The following NOX5 variants were observed in gnomAD, a reference collection of about 807,000 sequenced individuals.
NOX5 encodes NADPH oxidase 5.
A neutral mutation model predicts 85.7 loss-of-function variants in NOX5; 76 were observed. The ratio of observed to expected loss-of-function variants is 0.89; its 90% CI spans 0.74 to 1.07. The LOEUF (loss-of-function observed/expected upper bound fraction) is 1.07. Ranked by LOEUF, NOX5 falls within the 50% of genes least tolerant of loss-of-function variation. The pLI is 0.00. For synonymous variants in NOX5, 405 were observed against 401.4 expected (o/e 1.01, Z -0.11); for missense variants, 973 against 999.5 (o/e 0.97, Z 0.36).
intron 5 of NOX5, among the ~76,000 whole-genome samples, chr15:69,033,701 C>CT (rs570603838): frequency 0.11 from 12,974 of 119,178 alleles, 1,279 homozygotes; most frequent in East Asian, 0.41. Context: ...TCTTTTTTTT[C>CT]TTTTTTTTTT....
rs2050461118 is a variant in NOX5 at position 69,033,086 on chromosome 15, C to T, written c.664C>T (p.Arg222Cys). ...GGCCCCCGCCCCCCGCCCACGCCCG[C>T]GCCGGCCGCGCCAGCTGACCCGCGC... ...LTAPAPRPRP[R>C]RPRQLTRAYW... Residue 222 changes from arginine (R) to cysteine (C), a missense_variant, in exon 5 of 16, where the codon CGC (arginine) becomes TGC (cysteine). By Grantham distance (180) the Arg-to-Cys change is radical. Coordinates refer to ENST00000388866, the MANE Select transcript of NOX5 (RefSeq NM_024505.4). 6.4e-7 allele frequency: 1 copy of T among 1,554,516 alleles called. No homozygotes were observed. The highest frequency in any genetic ancestry group is 1.2e-5 in the South Asian group (1 of 86,654).
chr15:69,040,727 C>G (rs1328762944), intron 9 of NOX5, among the ~76,000 whole-genome samples: 1 of 152,046 alleles, frequency 6.6e-6, no homozygotes, highest in Non-Finnish European at 1.5e-5. Context: ...CATTCTGTCA[C>G]CCAAGCTGGA....
In NOX5 at chr15:69,056,889, A is replaced by G. The variant is rs992344837; in HGVS notation, c.*193A>G. On this transcript the variant is annotated 3_prime_UTR_variant, in exon 16 of 16. Coordinates refer to ENST00000388866, the MANE Select transcript of NOX5 (RefSeq NM_024505.4). ...TGAACTTCCTCTAGAACCCAGGGGA[A>G]GGGACAGTGCCTTGTTCAGTCTGCT... 4 of 584,954 alleles carry G rather than the reference A, an allele frequency of 6.8e-6. No individual in the cohort carries two copies. Among genetic ancestry groups the G allele is most frequent in the Non-Finnish European group, 1.1e-5 (4 of 347,942 alleles). 36.2% of individuals were successfully genotyped at this position (584,954 alleles called of 1,614,324 possible). A position where few individuals can be genotyped will look rare whatever the true frequency, so the allele number is the denominator to read the frequency against.
chr15:69,034,351 G>T (rs1222044540), intron 5 of NOX5, among the ~76,000 whole-genome samples: 1 of 152,120 alleles, frequency 6.6e-6, no homozygotes, highest in Non-Finnish European at 1.5e-5. Flanking sequence ...TGCAAAATGG[G>T]GTACCCATCC....
intron 14 of NOX5, among the ~76,000 whole-genome samples, chr15:69,052,030 A>T (rs1483262061): frequency 6.6e-6 from 1 of 152,106 alleles, no homozygotes; most frequent in African/African-American, 2.4e-5. Flanking sequence ...TGGGCAACAC[A>T]GGCACATGCT....
chr15:69,040,654 T>C (rs899983418), intron 9 of NOX5, among the ~76,000 whole-genome samples: 2 of 152,174 alleles, frequency 1.3e-5, no homozygotes, highest in Non-Finnish European at 2.9e-5. Context: ...TTTCACCAAT[T>C]CTTTTTCTCC....
chr15:69,018,783 C>T (rs1266383764), intron 1 of NOX5, among the ~76,000 whole-genome samples: 7 of 152,128 alleles, frequency 4.6e-5, no homozygotes, highest in South Asian at 2.1e-4. Context: ...AGCCACATCC[C>T]GGGCCAGAGC....
chr15:69,022,516 G>A, intron 1 of NOX5: 1 of 170,058 alleles, frequency 5.9e-6, no homozygotes, highest in Non-Finnish European at 1.3e-5. Context: ...AGACCCACAT[G>A]TATTATCTGG....
intron 15 of NOX5, 72 bp downstream of exon 15, chr15:69,055,572 C>A: frequency 6.5e-7 from 1 of 1,542,366 alleles, no homozygotes; most frequent in Non-Finnish European, 8.8e-7. Context: ...GGTGGGGAGA[C>A]GAGGCCCAAG....
chr15:69,047,587 C>T (rs369248716), intron 12 of NOX5, 50 bp downstream of exon 12: 51 of 1,582,424 alleles, frequency 3.2e-5, no homozygotes, highest in Middle Eastern at 1.7e-4. Flanking sequence ...AGCCCCAAGG[C>T]GCCCTCCCTG....
chr15:69,048,985 C>T lies in NOX5; in HGVS notation c.1926C>T (p.Asp642=). Residue 642 remains aspartate (D), a synonymous_variant, in exon 14 of 16, where the codon GAC becomes GAT. Transcript: ENST00000388866. The stretch of plus-strand genomic sequence containing the variant: ...TGGACTTTATCTGGATCAACAGAGA[C>T]CAGCGGTCTTTCGAGTGGTTTGTGA... The part of the protein sequence containing the change: ...HKVDFIWINR[D]QRSFEWFVSL... The T allele has an allele frequency of 6.2e-7, 1 of 1,612,754 alleles. No homozygotes were observed. The highest frequency in any genetic ancestry group is 1.3e-5 in the African/African-American group (1 of 75,002).
At chr15:69,037,284 A>T (rs2246273) in intron 8 of NOX5, 74 bp downstream of exon 8, 1 of 1,435,046 alleles carries the variant, frequency 7.0e-7, no homozygotes. Flanking sequence ...GAGCAGCTGG[A>T]TACCCTGTCA....
chr15:69,033,078 C>A lies in NOX5; in HGVS notation c.656C>A (p.Pro219Gln). The change falls in exon 5 of 16, where the codon CCA (proline) becomes CAA (glutamine). Residue 219 changes from proline (P) to glutamine (Q), a missense_variant. Coordinates refer to ENST00000388866, the MANE Select transcript of NOX5 (RefSeq NM_024505.4). The stretch of plus-strand genomic sequence containing the variant: ...TGGCTGACGGCCCCCGCCCCCCGCC[C>A]ACGCCCGCGCCGGCCGCGCCAGCTG... Reference protein sequence around the residue: ...AHWLTAPAPRPRPRRPRQLTR... With the variant: ...AHWLTAPAPRQRPRRPRQLTR... 6.4e-7 allele frequency: 1 copy of A among 1,560,298 alleles called. No individual in the cohort carries two copies. The highest frequency in any genetic ancestry group is 2.3e-5 in the East Asian group (1 of 42,786).
rs1233560309 is a variant in NOX5, at chr15:69,060,560, TGGG to T, written c.*3865_*3867del. 1.3e-5 allele frequency: 2 copies of T among 151,994 alleles called. No homozygotes were observed. Among genetic ancestry groups the T allele is most frequent in the Non-Finnish European group, 2.9e-5 (2 of 68,016 alleles). 9.4% of individuals were successfully genotyped at this position (151,994 alleles called of 1,614,324 possible). On this transcript the variant is annotated 3_prime_UTR_variant, in exon 16 of 16. Coordinates refer to ENST00000388866, the MANE Select transcript of NOX5 (RefSeq NM_024505.4). ...ATATTTATCTGTGTGCTCTGGGGAG[TGGG>T]AATGGAGGGATACAATGAAGGAAAG...
chr15:69,035,453 T>C lies in NOX5; in HGVS notation c.955T>C (p.Tyr319His). The change falls in exon 6 of 16, where the codon TAC (tyrosine) becomes CAC (histidine). Residue 319 changes from tyrosine (Y) to histidine (H), a missense_variant. By Grantham distance (83) the Tyr-to-His change is moderately conservative (BLOSUM62 2). Transcript: ENST00000388866. Reference sequence around the variant, plus strand: ...CATCCAGTTCCACCAGCTTATGGGCTACGTGGTAGTGGGGCTGTCCCTCGT... The same window carrying C: ...CATCCAGTTCCACCAGCTTATGGGCCACGTGGTAGTGGGGCTGTCCCTCGT... ...QNIQFHQLMG[Y>H]VVVGLSLVHT... The C allele has an allele frequency of 6.2e-7, 1 of 1,614,194 alleles. No homozygotes were observed. The highest frequency in any genetic ancestry group is 1.1e-5 in the South Asian group (1 of 91,082).
At chr15:69,039,284 G>A (rs2050562509) in intron 9 of NOX5, among the ~76,000 whole-genome samples, 1 of 149,694 alleles carries the variant, frequency 6.7e-6, no homozygotes, top group Admixed American at 6.7e-5. Flanking sequence ...ACCAGATAGG[G>A]AAGGAGATGG....
In NOX5 at chr15:69,045,599, T is replaced by TTCCCTTTCTTTCTTTTCTTTCTTTCTTTC. The variant is rs1567105301; in HGVS notation, c.1648-1222_1648-1221insCCCTTTCTTTCTTTTCTTTCTTTCTTTCT. On this transcript the variant is annotated intron_variant, in intron 10 of 15. Coordinates refer to ENST00000388866, the MANE Select transcript of NOX5 (RefSeq NM_024505.4). ...TTTCTTTCTTTTCTTTCTTTCTTTCTTTTTTTTTTCTCTCTCTCTCTCCTT... is the reference window on the plus strand; with the variant it reads ...TTTCTTTCTTTTCTTTCTTTCTTTCTTCCCTTTCTTTCTTTTCTTTCTTTCTTTCTTTTTTTTTCTCTCTCTCTCTCCTT... Among the ~76,000 whole-genome samples the TTCCCTTTCTTTCTTTTCTTTCTTTCTTTC allele has an allele frequency of 2.8e-4, 35 of 125,812 alleles. No homozygotes were observed. In the East Asian group the frequency reaches 2.8e-3, roughly 10 times the overall value. 82.5% of individuals were successfully genotyped at this position (125,812 alleles called of 152,430 possible).
chr15:69,027,662 G>C (rs1442733925), intron 2 of NOX5, among the ~76,000 whole-genome samples: 1 of 152,202 alleles, frequency 6.6e-6, no homozygotes, highest in Non-Finnish European at 1.5e-5. Flanking sequence ...AGGCTACACA[G>C]TACAAGACTG....
Position 69,038,463 on chromosome 15 carries a change from G to A in NOX5, c.1372-394G>A. The A allele has an allele frequency of 2.2e-5, 6 of 270,558 alleles. No homozygotes were observed. The South Asian group carries it at 2.3e-4, about 10-fold the overall frequency. The allele number at this position is 270,558 out of a possible 1,614,324, so 16.8% of individuals were successfully genotyped here. On this transcript the variant is annotated intron_variant, in intron 8 of 15. Transcript: ENST00000388866. ...CAAAGCAATTGTCTGGAAAGATGTT[G>A]TTATCCAAGGAGAGATGCCCATTGA...
Sources: gnomAD v4.1 joint callset for allele counts (sites outside exome capture counted in the v4.1 genomes callset) on GRCh38, gnomAD v4.1.1 for gene constraint, MANE v1.5 for transcripts, NCBI Gene and HGNC (gene_info 2026-07-23, HGNC 2026-07-21) for gene names.